GNB1: variants seen among roughly 807,000 people sequenced by gnomAD.
GNB1 encodes guanine nucleotide-binding protein G(I)/G(S)/G(T) subunit beta-1.
A neutral mutation model predicts 42.9 loss-of-function variants in GNB1; 2 were observed. The ratio of observed to expected loss-of-function variants is 0.05; its 90% CI spans 0.02 to 0.15. The LOEUF (loss-of-function observed/expected upper bound fraction) is 0.15. GNB1 is among the 10% of genes least tolerant of loss of function. The pLI is 1.00. For missense variants in GNB1, 193 were observed against 462.2 expected, an observed-to-expected ratio of 0.42 and a Z score of 5.34; for synonymous variants, 183 against 174.7, an observed-to-expected ratio of 1.05 and a Z score of -0.38.
chr1:1,874,780 A>G (rs1034663451), intron 1 of GNB1, among the ~76,000 whole-genome samples: 1 of 151,600 alleles, frequency 6.6e-6, no homozygotes, highest in Admixed American at 6.6e-5. Flanking sequence ...ACAAAGAGTG[A>G]CACCCTGTCT....
intron 1 of GNB1, among the ~76,000 whole-genome samples, chr1:1,864,337 G>GAAAAAAAAAA (rs1245850367): frequency 1.1e-5 from 1 of 91,160 alleles, no homozygotes; most frequent in African/African-American, 4.0e-5. Flanking sequence ...AAAAAAAAAA[G>GAAAAAAAAAA]AAGAAAACCC....
intron 1 of GNB1, among the ~76,000 whole-genome samples, chr1:1,846,598 C>A (rs1424698168): frequency 6.6e-6 from 1 of 152,166 alleles, no homozygotes; most frequent in Admixed American, 6.6e-5. Flanking sequence ...CAGAGTCTCA[C>A]TGTCACCCAA....
chr1:1,868,586 G>A (rs1649073076), intron 1 of GNB1, among the ~76,000 whole-genome samples: 1 of 151,906 alleles, frequency 6.6e-6, no homozygotes, highest in African/African-American at 2.4e-5. Flanking sequence ...TTCAAGACCA[G>A]CCTAGCCAAG....
At chr1:1,789,723 T>TGG (rs1557880131) in intron 9 of GNB1, among the ~76,000 whole-genome samples, 1 of 43,552 alleles carries the variant, frequency 2.3e-5, no homozygotes, top group Admixed American at 2.5e-4. Flanking sequence ...GGTGGGGGGA[T>TGG]GGGGGAGGAA....
intron 1 of GNB1, among the ~76,000 whole-genome samples, chr1:1,878,620 T>C (rs545975046): frequency 4.9e-4 from 75 of 152,344 alleles, no homozygotes; most frequent in African/African-American, 1.6e-3. Flanking sequence ...CCTTTTCCAC[T>C]GTCGCATAGG....
At chr1:1,834,504 T>C (rs1647118522) in intron 2 of GNB1, among the ~76,000 whole-genome samples, 1 of 152,118 alleles carries the variant, frequency 6.6e-6, no homozygotes, top group African/African-American at 2.4e-5. Context: ...TGAGGCCAAA[T>C]TGGAAGTCCC....
At chr1:1,885,394 C>G (rs1400835232) in intron 1 of GNB1, among the ~76,000 whole-genome samples, 2 of 149,416 alleles carry the variant, frequency 1.3e-5, no homozygotes, top group Admixed American at 6.7e-5. Flanking sequence ...GCCTGGGCAA[C>G]AGGAAGGAAA....
In GNB1 at chr1:1,829,117, T is replaced by C. The variant is rs1647040726; in HGVS notation, c.-46-3618A>G. 1.3e-5 allele frequency among the ~76,000 whole-genome samples: 2 copies of C among 152,210 alleles called. 1 individual carries two copies. The highest frequency in any genetic ancestry group is 1.3e-4 in the Admixed American group (2 of 15,268). ...TATCGCCCAGGCTGCAGTGCAATGATGCAATCTCTGCTCACTGCAACCTCT... is the reference window on the plus strand; with the variant it reads ...TATCGCCCAGGCTGCAGTGCAATGACGCAATCTCTGCTCACTGCAACCTCT... On this transcript the variant is annotated intron_variant, in intron 2 of 11. Transcript: ENST00000378609.
rs1419840962 is a variant in GNB1 at position 1,819,146 on chromosome 1, G to A, written c.58-1271C>T. Reference sequence around the variant, plus strand: ...CGTACGTTTAGAAATAGAAAGGTACGTAACATGAAGGAAAATAAGACAATG... The same window carrying A: ...CGTACGTTTAGAAATAGAAAGGTACATAACATGAAGGAAAATAAGACAATG... On this transcript the variant is annotated intron_variant, in intron 3 of 11. Transcript: ENST00000378609. Among the ~76,000 whole-genome samples, 9 of 151,876 alleles carry A rather than the reference G, an allele frequency of 5.9e-5. No homozygotes were observed. The East Asian group carries it at 7.7e-4, about 13-fold the overall frequency.
intron 1 of GNB1, among the ~76,000 whole-genome samples, chr1:1,881,759 T>A (rs1649859292): frequency 6.6e-6 from 1 of 152,178 alleles, no homozygotes; most frequent in South Asian, 2.1e-4. Context: ...CTAACCACTC[T>A]CCTAGCCCTT....
rs1325066693 is a variant in GNB1 at position 1,815,829 on chromosome 1, G to C, written c.130C>G (p.Gln44Glu). 6.2e-7 allele frequency: 1 copy of C among 1,609,072 alleles called. No individual in the cohort carries two copies. The highest frequency in any genetic ancestry group is 8.5e-7 in the Non-Finnish European group (1 of 1,175,512). Residue 44 changes from glutamine (Q) to glutamate (E), a missense_variant, in exon 5 of 12, where the codon CAA (glutamine) becomes GAA (glutamate). Physicochemically the swap from Gln to Glu is conservative, Grantham distance 29. Transcript: ENST00000378609. ...CGCAGTGTCCTCCTCGTGCGCATTT[G>C]GATTCTTCCCACTGGGTCGATGTTG... Reference protein sequence around the residue: ...TNNIDPVGRIQMRTRRTLRGH... With the variant: ...TNNIDPVGRIEMRTRRTLRGH...
intron 7 of GNB1, among the ~76,000 whole-genome samples, chr1:1,795,668 G>A (rs777223684): frequency 6.6e-6 from 1 of 152,050 alleles, no homozygotes; most frequent in African/African-American, 2.4e-5. Context: ...CAGGAGAATC[G>A]CTTGAACCCA....
At chr1:1,855,469 A>G (rs1271216594) in intron 1 of GNB1, among the ~76,000 whole-genome samples, 1 of 152,182 alleles carries the variant, frequency 6.6e-6, no homozygotes, top group Non-Finnish European at 1.5e-5. Context: ...TGGGAGGCCG[A>G]GGCGGGCGGA....
chr1:1,841,520 T>G (rs1166293938), intron 1 of GNB1, among the ~76,000 whole-genome samples: 1 of 152,158 alleles, frequency 6.6e-6, no homozygotes, highest in Non-Finnish European at 1.5e-5. Flanking sequence ...AATCGCTCCC[T>G]CAAATTAAAC....
At chr1:1,875,446 G>A (rs1649490485) in intron 1 of GNB1, among the ~76,000 whole-genome samples, 2 of 152,150 alleles carry the variant, frequency 1.3e-5, no homozygotes, top group South Asian at 2.1e-4. Flanking sequence ...ACCCGCTGTG[G>A]CCTCCCAAAG....
intron 3 of GNB1, 176 bp from the exon 4 acceptor site, chr1:1,818,051 G>A (rs1646880769): frequency 7.0e-6 from 4 of 575,326 alleles, no homozygotes; most frequent in Non-Finnish European, 3.2e-6. Flanking sequence ...ACCATCTGTG[G>A]ACTGTCCAGG....
intron 1 of GNB1, among the ~76,000 whole-genome samples, chr1:1,884,131 A>G (rs1028741686): frequency 2.0e-5 from 3 of 146,736 alleles, no homozygotes; most frequent in Admixed American, 2.0e-4. Context: ...ATGCCCGACT[A>G]ATTTTTTTTT....
At chr1:1,875,220 C>A (rs1450090885) in intron 1 of GNB1, among the ~76,000 whole-genome samples, 1 of 151,412 alleles carries the variant, frequency 6.6e-6, no homozygotes, top group African/African-American at 2.4e-5. Flanking sequence ...GAGACAAAGT[C>A]TTGCTCTGCC....
chr1:1,802,340 A>C (rs1646636812), intron 7 of GNB1, among the ~76,000 whole-genome samples: 1 of 152,252 alleles, frequency 6.6e-6, no homozygotes, highest in Non-Finnish European at 1.5e-5. Context: ...TGTGTCTTTA[A>C]GCACAATGAC....
Sources: gnomAD v4.1 joint callset for allele counts (sites outside exome capture counted in the v4.1 genomes callset) on GRCh38, gnomAD v4.1.1 for gene constraint, MANE v1.5 for transcripts, NCBI Gene and HGNC (gene_info 2026-07-23, HGNC 2026-07-21) for gene names.